PTPN14: variants seen among roughly 807,000 people sequenced by gnomAD.
PTPN14 encodes the protein tyrosine-protein phosphatase non-receptor type 14.
In PTPN14, 53 loss-of-function variants were observed where a neutral mutation model predicts 126.8. The observed-to-expected ratio is 0.42, with a 90% CI of 0.34 to 0.53. The LOEUF (loss-of-function observed/expected upper bound fraction) is 0.53, where lower values mean the gene tolerates loss of function less well. Ranked by LOEUF, PTPN14 falls within the 20% of genes least tolerant of loss-of-function variation. The pLI, the probability that PTPN14 is intolerant of heterozygous loss-of-function variation, is 0.08. For missense variants in PTPN14, 1,257 were observed against 1,552.9 expected (o/e 0.81, Z 3.20); for synonymous variants, 630 against 599.3 (o/e 1.05, Z -0.75).
At chr1:214,369,015 G>GC (rs1658152025) in intron 17 of PTPN14, among the ~76,000 whole-genome samples, 1 of 152,078 alleles carries the variant, frequency 6.6e-6, no homozygotes, top group Non-Finnish European at 1.5e-5. Flanking sequence ...ATCCCCCTTT[G>GC]CCCCAGCCCC....
chr1:214,387,004 A>T, intron 11 of PTPN14, 82 bp from the exon 12 acceptor site: 2 of 1,303,328 alleles, frequency 1.5e-6, no homozygotes, highest in Non-Finnish European at 2.2e-6. Context: ...GGCACACGGC[A>T]GTCCCGCCAC....
intron 1 of PTPN14, among the ~76,000 whole-genome samples, chr1:214,476,649 C>T (rs1255473709): frequency 6.6e-6 from 1 of 152,158 alleles, no homozygotes; most frequent in Non-Finnish European, 1.5e-5. Flanking sequence ...GGAATGTCGC[C>T]TCATTCACCA....
Position 214,411,735 on chromosome 1 carries a change from A to G in PTPN14, c.459T>C (p.Tyr153=). 3.3e-6 allele frequency: 5 copies of G among 1,509,942 alleles called. No homozygotes were observed. Among genetic ancestry groups the G allele is most frequent in the Non-Finnish European group, 4.6e-6 (5 of 1,095,138 alleles). The allele number at this position is 1,509,942 out of a possible 1,614,324, so 93.5% of individuals were successfully genotyped here. ...GLAVQADFGD[Y]NQFDSQDFLR... The stretch of plus-strand genomic sequence containing the variant: ...GGAAATCTTGAGAATCAAACTGATT[A>G]TAGTCTCCAAAATCAGCTGAGAAGA... The change falls in exon 5 of 19, where the codon TAT becomes TAC. Residue 153 remains tyrosine (Y), a synonymous_variant. Coordinates refer to ENST00000366956, the MANE Select transcript of PTPN14 (RefSeq NM_005401.5).
intron 3 of PTPN14, 145 bp downstream of exon 3, chr1:214,451,660 A>G: frequency 1.1e-6 from 1 of 931,786 alleles, no homozygotes; most frequent in South Asian, 2.0e-5. Flanking sequence ...ATGAGTAAAC[A>G]ACCCCCAACT....
At chr1:214,529,499 T>C (rs527878079) in intron 1 of PTPN14, 2 of 152,370 alleles carry the variant, frequency 1.3e-5, no homozygotes, top group South Asian at 4.1e-4. Flanking sequence ...TAGAGCGTGC[T>C]GCACAGGTTT....
intron 5 of PTPN14, among the ~76,000 whole-genome samples, chr1:214,405,529 A>G (rs1659144907): frequency 6.6e-6 from 1 of 152,112 alleles, no homozygotes; most frequent in Non-Finnish European, 1.5e-5. Flanking sequence ...ATATTGTCAA[A>G]CAAAAGTTTA....
intron 12 of PTPN14, among the ~76,000 whole-genome samples, chr1:214,385,104 C>T (rs1010498378): frequency 4.6e-5 from 7 of 152,110 alleles, no homozygotes; most frequent in African/African-American, 7.2e-5. Flanking sequence ...CAACAACAGC[C>T]CTCCAGTTGG....
chr1:214,540,042 T>C (rs540298674), intron 1 of PTPN14, among the ~76,000 whole-genome samples: 3 of 152,274 alleles, frequency 2.0e-5, no homozygotes, highest in Non-Finnish European at 2.9e-5. Context: ...GTCCCATTTT[T>C]CCCCTCATAA....
intron 1 of PTPN14, among the ~76,000 whole-genome samples, chr1:214,546,601 G>T (rs1286739223): frequency 6.6e-6 from 1 of 152,144 alleles, no homozygotes; most frequent in African/African-American, 2.4e-5. Flanking sequence ...AACGTGAAGA[G>T]GATATTTTTC....
intron 3 of PTPN14, among the ~76,000 whole-genome samples, chr1:214,445,477 C>A (rs372086569): frequency 6.0e-5 from 9 of 150,828 alleles, no homozygotes; most frequent in East Asian, 2.0e-4. Flanking sequence ...CTCATTAGGA[C>A]AATTAGAAGC....
At chr1:214,407,935 G>A (rs942369833) in intron 5 of PTPN14, among the ~76,000 whole-genome samples, 5 of 152,082 alleles carry the variant, frequency 3.3e-5, no homozygotes, top group African/African-American at 9.7e-5. Flanking sequence ...CTCTCCACCC[G>A]TAGCTACAGT....
chr1:214,490,857 A>ACGGAG (rs1661217011), intron 1 of PTPN14, among the ~76,000 whole-genome samples: 1 of 11,324 alleles, frequency 8.8e-5, no homozygotes, highest in African/African-American at 4.9e-4. Context: ...AAGGAAGGGA[A>ACGGAG]GGGAGGGGAG....
intron 3 of PTPN14, among the ~76,000 whole-genome samples, chr1:214,425,010 T>C (rs1469204438): frequency 6.6e-6 from 1 of 152,192 alleles, no homozygotes; most frequent in Non-Finnish European, 1.5e-5. Flanking sequence ...TTGGCCAGGC[T>C]GGTCTCGAAT....
intron 1 of PTPN14, among the ~76,000 whole-genome samples, chr1:214,546,077 A>C (rs571213546): frequency 5.9e-5 from 9 of 152,344 alleles, no homozygotes; most frequent in Middle Eastern, 3.4e-3. Flanking sequence ...GCAGTGAAAA[A>C]GTGACCACCA....
intron 3 of PTPN14, among the ~76,000 whole-genome samples, chr1:214,443,635 G>C (rs368151622): frequency 6.6e-6 from 1 of 152,086 alleles, no homozygotes. Context: ...TCCTGGGAAG[G>C]GCTGGTTACT....
At chr1:214,446,127 T>A (rs968133201) in intron 3 of PTPN14, among the ~76,000 whole-genome samples, 4 of 152,106 alleles carry the variant, frequency 2.6e-5, no homozygotes, top group Non-Finnish European at 5.9e-5. Flanking sequence ...AATCTTACAG[T>A]TTGGGGTTAA....
Position 214,481,112 on chromosome 1 carries a change from T to C in PTPN14, c.-154-16155A>G, listed in dbSNP as rs6698101. ...TCAAAGAGAAAATAAGAACTTCAAG[T>C]AAGATTTTTTTGTGTAAAGATTATA... On this transcript the variant is annotated intron_variant, in intron 1 of 18. Transcript: ENST00000366956. Among the ~76,000 whole-genome samples, 268 of 152,272 alleles carry C rather than the reference T, an allele frequency of 1.8e-3. 1 individual carries two copies. The highest frequency in any genetic ancestry group is 6.2e-3 in the African/African-American group (257 of 41,560).
chr1:214,470,732 C>T (rs1481131806), intron 1 of PTPN14, among the ~76,000 whole-genome samples: 1 of 139,260 alleles, frequency 7.2e-6, no homozygotes, highest in Non-Finnish European at 1.5e-5. Flanking sequence ...TGCAGTGAGC[C>T]GAGATCGTGC....
chr1:214,425,083 C>A (rs552311156), intron 3 of PTPN14, among the ~76,000 whole-genome samples: 8 of 152,236 alleles, frequency 5.3e-5, no homozygotes, highest in Admixed American at 5.2e-4. Context: ...AGCCATGGGC[C>A]ACCAGGTCCA....
Sources: allele counts gnomAD v4.1 joint callset (sites outside exome capture counted in the v4.1 genomes callset), GRCh38; gene constraint gnomAD v4.1.1; transcripts MANE v1.5; gene names NCBI Gene and HGNC (gene_info 2026-07-23, HGNC 2026-07-21).